COL25A1: variants seen among roughly 807,000 people sequenced by gnomAD.
COL25A1 encodes collagen type XXV alpha 1 chain.
COL25A1 carries 103 observed loss-of-function variants against 128.4 expected under a neutral mutation model. That is an observed-to-expected ratio of 0.80 (90% CI 0.68 to 0.94). COL25A1 has a LOEUF of 0.94. Ranked by LOEUF, COL25A1 falls within the 40% of genes least tolerant of loss-of-function variation. The pLI, the probability that COL25A1 is intolerant of heterozygous loss-of-function variation, is 0.00. For synonymous variants in COL25A1, 279 were observed against 277.2 expected (o/e 1.01, Z -0.06); for missense variants, 745 against 840.0 (o/e 0.89, Z 1.40).
chr4:108,902,838 A>G (rs1743001756), intron 13 of COL25A1, among the ~76,000 whole-genome samples: 1 of 152,004 alleles, frequency 6.6e-6, no homozygotes, highest in Admixed American at 6.6e-5. Flanking sequence ...CCATTTGTAC[A>G]TAACAAAGGA....
intron 3 of COL25A1, among the ~76,000 whole-genome samples, chr4:109,281,520 A>G (rs1321336260): frequency 6.6e-6 from 1 of 152,140 alleles, no homozygotes; most frequent in African/African-American, 2.4e-5. Flanking sequence ...ATCAAACAGT[A>G]GAAATTTTAA....
At chr4:109,100,754 C>A (rs1223071949) in intron 3 of COL25A1, among the ~76,000 whole-genome samples, 1 of 152,056 alleles carries the variant, frequency 6.6e-6, no homozygotes, top group Non-Finnish European at 1.5e-5. Context: ...TACAAATAAC[C>A]TGGAAATTTT....
chr4:109,239,525 A>C lies in COL25A1; in HGVS notation c.367+61058T>G, dbSNP rs188535391. On this transcript the variant is annotated intron_variant, in intron 3 of 37. Transcript: ENST00000399132. ...GGTATTTGTATGTCTCAACATAGGA[A>C]AGTTACAGTAAAAATATAGTATAAA... Among the ~76,000 whole-genome samples, 240 of 150,744 alleles carry C rather than the reference A, an allele frequency of 1.6e-3. 1 individual carries two copies. The highest frequency in any genetic ancestry group is 2.6e-3 in the Non-Finnish European group (177 of 67,672).
intron 27 of COL25A1, among the ~76,000 whole-genome samples, chr4:108,848,147 T>C (rs1735332197): frequency 2.6e-5 from 4 of 152,154 alleles, no homozygotes; most frequent in African/African-American, 7.2e-5. Context: ...TAACCAAAAA[T>C]AAATAAATAA....
At chr4:108,825,743 G>A (rs951674511) in intron 33 of COL25A1, among the ~76,000 whole-genome samples, 3 of 152,216 alleles carry the variant, frequency 2.0e-5, no homozygotes, top group Non-Finnish European at 4.4e-5. Context: ...TCACAAATGA[G>A]TAAAGAATGT....
intron 5 of COL25A1, among the ~76,000 whole-genome samples, chr4:109,011,097 G>A (rs1016403483): frequency 2.6e-5 from 4 of 152,132 alleles, no homozygotes; most frequent in Non-Finnish European, 5.9e-5. Context: ...TCTAGCTAAA[G>A]ATCAATCACC....
At chr4:108,963,866 A>T (rs993927740) in intron 8 of COL25A1, among the ~76,000 whole-genome samples, 1 of 151,512 alleles carries the variant, frequency 6.6e-6, no homozygotes, top group Non-Finnish European at 1.5e-5. Flanking sequence ...TTCAAGAAAA[A>T]TGTGAAATAG....
chr4:109,296,391 C>T (rs1455353364), intron 3 of COL25A1, among the ~76,000 whole-genome samples: 2 of 152,010 alleles, frequency 1.3e-5, no homozygotes, highest in East Asian at 3.8e-4. Context: ...GCACACTATA[C>T]TTTTTCTTGG....
chr4:109,254,469 T>TTTTATATACATA (rs1357197026), intron 3 of COL25A1, among the ~76,000 whole-genome samples: 2 of 59,592 alleles, frequency 3.4e-5, no homozygotes, highest in East Asian at 1.3e-3. Context: ...AGGCATATGT[T>TTTTATATACATA]TATATATATA....
chr4:109,222,948 G>A (rs34162576), intron 3 of COL25A1, among the ~76,000 whole-genome samples: 1,839 of 152,322 alleles, frequency 0.012, 20 homozygotes, highest in Non-Finnish European at 0.02. Flanking sequence ...AACAATAAGT[G>A]TGAGTGGTTA....
In COL25A1 at chr4:108,862,510, C is replaced by T. The variant is rs1737367726; in HGVS notation, c.1188G>A (p.Lys396=). The T allele has an allele frequency of 1.2e-6, 2 of 1,611,546 alleles. No homozygotes were observed. The highest frequency in any genetic ancestry group is 1.7e-4 in the Middle Eastern group (1 of 6,050). The change falls in exon 22 of 38, where the codon AAG becomes AAA. Residue 396 remains lysine, a synonymous_variant. Coordinates refer to ENST00000399132, the MANE Select transcript of COL25A1 (RefSeq NM_198721.4). ...TTATCTGGTTACTGACCTTTGACCC[C>T]TTTGGGCCTCTAGTTCCTGATTCAC... The part of the protein sequence containing the change: ...KQGESGTRGP[K]GSKGDRGEKG...
At chr4:108,941,792 A>G (rs926634129) in intron 8 of COL25A1, among the ~76,000 whole-genome samples, 2 of 152,232 alleles carry the variant, frequency 1.3e-5, no homozygotes, top group Non-Finnish European at 1.5e-5. Flanking sequence ...ACAAAATGCC[A>G]GTTCCATTTC....
chr4:108,952,832 T>TA (rs1749613378), intron 8 of COL25A1, among the ~76,000 whole-genome samples: 1 of 11,896 alleles, frequency 8.4e-5, no homozygotes, highest in Admixed American at 7.2e-4. Flanking sequence ...AAAACTCAAC[T>TA]TTTTTTTTTT....
chr4:109,057,482 A>T, intron 3 of COL25A1, among the ~76,000 whole-genome samples: 2 of 82,336 alleles, frequency 2.4e-5, no homozygotes, highest in Non-Finnish European at 2.2e-5. Context: ...GGGTTTTGTC[A>T]TGTTGGCCAG....
intron 6 of COL25A1, among the ~76,000 whole-genome samples, chr4:108,975,306 A>C (rs62314653): frequency 0.059 from 8,929 of 152,246 alleles, 312 homozygotes; most frequent in East Asian, 0.14. Context: ...AAATACAAAA[A>C]TTAGCTGGGT....
intron 6 of COL25A1, among the ~76,000 whole-genome samples, chr4:108,976,146 G>A (rs1327509798): frequency 1.3e-5 from 2 of 152,016 alleles, no homozygotes; most frequent in Non-Finnish European, 1.5e-5. Flanking sequence ...ATGTCATAAA[G>A]AGGGCTTTCC....
chr4:108,843,148 C>CAAAAA (rs540931971), intron 30 of COL25A1, among the ~76,000 whole-genome samples: 6 of 88,302 alleles, frequency 6.8e-5, no homozygotes, highest in African/African-American at 1.8e-4. Flanking sequence ...GACCCTGTCT[C>CAAAAA]AAAAAAAAAA....
chr4:109,143,840 T>C (rs1460469643), intron 3 of COL25A1, among the ~76,000 whole-genome samples: 1 of 152,204 alleles, frequency 6.6e-6, no homozygotes, highest in Non-Finnish European at 1.5e-5. Flanking sequence ...GGTTACAGCA[T>C]GCTCCTTTAG....
chr4:109,148,735 T>C (rs1265759867), intron 3 of COL25A1, among the ~76,000 whole-genome samples: 1 of 152,198 alleles, frequency 6.6e-6, no homozygotes, highest in African/African-American at 2.4e-5. Context: ...ACCCTTCAGA[T>C]GTTTCCATGG....
Sources: allele counts gnomAD v4.1 joint callset (sites outside exome capture counted in the v4.1 genomes callset), GRCh38; gene constraint gnomAD v4.1.1; transcripts MANE v1.5; gene names NCBI Gene and HGNC (gene_info 2026-07-23, HGNC 2026-07-21).